Variants in MAP2K5 observed in about 807,000 individuals in gnomAD.
MAP2K5 encodes mitogen-activated protein kinase kinase 5.
MAP2K5 carries 49 observed loss-of-function variants against 83.1 expected under a neutral mutation model. The ratio of observed to expected loss-of-function variants is 0.59; its 90% CI spans 0.47 to 0.75. The LOEUF is 0.75. Ranked by LOEUF, MAP2K5 falls within the 30% of genes least tolerant of loss-of-function variation. The pLI is 0.00. For missense variants in MAP2K5, 457 were observed against 557.5 expected, an observed-to-expected ratio of 0.82 and a Z score of 1.82; for synonymous variants, 202 against 191.8, an observed-to-expected ratio of 1.05 and a Z score of -0.44.
chr15:67,751,809 T>A (rs554784799), intron 19 of MAP2K5, among the ~76,000 whole-genome samples: 24 of 152,320 alleles, frequency 1.6e-4, no homozygotes, highest in African/African-American at 5.5e-4. Context: ...CCTTATTCTT[T>A]CACTGAATTT....
chr15:67,751,056 A>G (rs1278477955), intron 19 of MAP2K5, among the ~76,000 whole-genome samples: 1 of 152,156 alleles, frequency 6.6e-6, no homozygotes, highest in African/African-American at 2.4e-5. Context: ...GTGAAGATGT[A>G]GTAAAACACC....
chr15:67,646,868 C>T (rs1276348753), intron 11 of MAP2K5, among the ~76,000 whole-genome samples: 1 of 152,130 alleles, frequency 6.6e-6, no homozygotes, highest in Non-Finnish European at 1.5e-5. Context: ...AGAAAGAAAT[C>T]GGTTCTTAAT....
rs887051100 is a variant in MAP2K5 at position 67,794,417 on chromosome 15, TA to T, written c.1243-12223del. ...CTTCCTTTTTGTGCATTTCCTTTTT[TA>T]AAAAAGGAGGGGTCTGTTTCAGATG... On this transcript the variant is annotated intron_variant, in intron 21 of 21. Coordinates refer to ENST00000178640, the MANE Select transcript of MAP2K5 (RefSeq NM_145160.3). This position sits in a 1 kb window ranked among gnomAD's most constrained non-coding sequence, Gnocchi z 4.6. Among the ~76,000 whole-genome samples the T allele has an allele frequency of 1.3e-4, 20 of 152,128 alleles. No homozygotes were observed. The highest frequency in any genetic ancestry group is 1.2e-3 in the Admixed American group (18 of 15,280).
At chr15:67,752,050 T>G (rs1725221863) in intron 19 of MAP2K5, among the ~76,000 whole-genome samples, 2 of 151,958 alleles carry the variant, frequency 1.3e-5, no homozygotes, top group Non-Finnish European at 2.9e-5. Context: ...CGGTGTTTTT[T>G]GTTTGTTTGT....
rs1596537823 is a variant in MAP2K5 at position 67,543,821 on chromosome 15, A to G, written c.135+351A>G. On this transcript the variant is annotated intron_variant, in intron 1 of 21. Transcript: ENST00000178640. The surrounding 1 kb of genome is among the most constrained non-coding windows in gnomAD (Gnocchi z 4.3). ...CGGGGAATGTCCTTGGACAGATTCC[A>G]GCCTTGTTTTTCTACTGAGTTCTCT... 6.6e-6 allele frequency among the ~76,000 whole-genome samples: 1 copy of G among 152,186 alleles called. No individual in the cohort carries two copies. The highest frequency in any genetic ancestry group is 2.1e-4 in the South Asian group (1 of 4,830).
At chr15:67,725,396 G>T (rs146749811) in intron 16 of MAP2K5, among the ~76,000 whole-genome samples, 1 of 152,286 alleles carries the variant, frequency 6.6e-6, no homozygotes, top group African/African-American at 2.4e-5. Flanking sequence ...ATCTCACTCC[G>T]TTTTAAGCCG....
intron 6 of MAP2K5, among the ~76,000 whole-genome samples, chr15:67,589,956 A>G (rs1679838045): frequency 6.6e-6 from 1 of 152,198 alleles, no homozygotes; most frequent in South Asian, 2.1e-4. Flanking sequence ...ATTTAGCACA[A>G]TGCCTAGCAC....
intron 12 of MAP2K5, among the ~76,000 whole-genome samples, chr15:67,661,235 T>C (rs1567343097): frequency 6.6e-6 from 1 of 152,140 alleles, no homozygotes; most frequent in Non-Finnish European, 1.5e-5. Flanking sequence ...TTCTCTACTA[T>C]CCATTTGAAT....
In MAP2K5 at chr15:67,630,227, C is replaced by T. The variant is rs114407280; in HGVS notation, c.546-661C>T. 4.3e-3 allele frequency among the ~76,000 whole-genome samples: 658 copies of T among 152,296 alleles called. 3 individuals carry two copies. Among genetic ancestry groups the T allele is most frequent in the African/African-American group, 0.015 (634 of 41,542 alleles). On this transcript the variant is annotated intron_variant, in intron 8 of 21. Transcript: ENST00000178640. The stretch of plus-strand genomic sequence containing the variant: ...CCAGCCTAGGTGTCAGAGAGAGCCC[C>T]TGTCTGAATCAGTCAGTCACTCAAT...
In MAP2K5 at chr15:67,644,751, C is replaced by CT. The variant is rs2086793084; in HGVS notation, c.586-1477dup. ...GAAATAAGATTTCTTCAAGCTTTAA[C>CT]TTTCTGTAACAGGATTAGCAAAGAA... is the stretch of plus-strand genomic sequence containing the variant. On this transcript the variant is annotated intron_variant, in intron 9 of 21. Transcript: ENST00000178640. The surrounding 1 kb of genome is among the most constrained non-coding windows in gnomAD (Gnocchi z 4.6). Among the ~76,000 whole-genome samples the CT allele has an allele frequency of 6.6e-6, 1 of 151,848 alleles. No homozygotes were observed. Among genetic ancestry groups the CT allele is most frequent in the Non-Finnish European group, 1.5e-5 (1 of 67,990 alleles).
intron 8 of MAP2K5, among the ~76,000 whole-genome samples, chr15:67,619,868 C>G (rs940488746): frequency 6.6e-6 from 1 of 152,002 alleles, no homozygotes; most frequent in Non-Finnish European, 1.5e-5. Flanking sequence ...GAGTTCAAGA[C>G]CAGCCTGGGC....
intron 8 of MAP2K5, among the ~76,000 whole-genome samples, chr15:67,619,275 A>G (rs944668419): frequency 1.3e-5 from 2 of 152,056 alleles, no homozygotes; most frequent in Non-Finnish European, 2.9e-5. Flanking sequence ...ATCAGTCTCT[A>G]TATCCTTACC....
intron 7 of MAP2K5, among the ~76,000 whole-genome samples, chr15:67,598,478 G>A (rs2141022785): frequency 6.6e-6 from 1 of 152,180 alleles, no homozygotes; most frequent in East Asian, 1.9e-4. Context: ...TAATGCACAT[G>A]CACATACACT....
In MAP2K5 at chr15:67,775,909, G is replaced by A. The variant is rs2090229370; in HGVS notation, c.1242+3157G>A. Among the ~76,000 whole-genome samples, 1 of 152,132 alleles carries A rather than the reference G, an allele frequency of 6.6e-6. No individual in the cohort carries two copies. Among genetic ancestry groups the A allele is most frequent in the South Asian group, 2.1e-4 (1 of 4,828 alleles). ...CATTGACCTGGTGGAGTTCAAACAG[G>A]CAACATATTCACCACCAGCTGGGCA... On this transcript the variant is annotated intron_variant, in intron 21 of 21. Coordinates refer to ENST00000178640, the MANE Select transcript of MAP2K5 (RefSeq NM_145160.3). This position sits in a 1 kb window ranked among gnomAD's most constrained non-coding sequence, Gnocchi z 5.3.
At chr15:67,650,640 T>C (rs990709869) in intron 11 of MAP2K5, among the ~76,000 whole-genome samples, 3 of 152,138 alleles carry the variant, frequency 2.0e-5, no homozygotes, top group African/African-American at 7.2e-5. Flanking sequence ...TATTAATTGA[T>C]TTTTGCAAAA....
chr15:67,804,312 C>T (rs576768976), intron 21 of MAP2K5, among the ~76,000 whole-genome samples: 38 of 152,240 alleles, frequency 2.5e-4, no homozygotes, highest in Non-Finnish European at 4.7e-4. Context: ...GTGATTCTCC[C>T]TGTCAGGCAA....
intron 16 of MAP2K5, among the ~76,000 whole-genome samples, chr15:67,704,870 A>G (rs916405992): frequency 6.6e-6 from 1 of 152,226 alleles, no homozygotes; most frequent in Non-Finnish European, 1.5e-5. Context: ...AGTGTAAGAC[A>G]ATTGAGAAGT....
At chr15:67,714,552 G>A (rs1213710550) in intron 16 of MAP2K5, among the ~76,000 whole-genome samples, 2 of 151,698 alleles carry the variant, frequency 1.3e-5, no homozygotes, top group African/African-American at 2.4e-5. Context: ...GAGGGGTGAC[G>A]GATGGCTCTG....
Position 67,587,043 on chromosome 15 carries a change from C to T in MAP2K5, c.431+130C>T. 4.7e-6 allele frequency: 4 copies of T among 850,606 alleles called. No homozygotes were observed. The allele number at this position is 850,606 out of a possible 1,614,324, so 52.7% of individuals were successfully genotyped here. On this transcript the variant is annotated intron_variant, in intron 6 of 21. Transcript: ENST00000178640. This position sits in a 1 kb window ranked among gnomAD's most constrained non-coding sequence, Gnocchi z 4.8. Reference sequence around the variant, plus strand: ...CTACGTATTGACCAAAGAGAAAGGACCTCATATGGAAAGATGAATGTTTAG... The same window carrying T: ...CTACGTATTGACCAAAGAGAAAGGATCTCATATGGAAAGATGAATGTTTAG...
Sources: allele counts gnomAD v4.1 joint callset (sites outside exome capture counted in the v4.1 genomes callset), GRCh38; gene constraint gnomAD v4.1.1; non-coding constraint Gnocchi (gnomAD v3.1); transcripts MANE v1.5; gene names NCBI Gene and HGNC (gene_info 2026-07-23, HGNC 2026-07-21).